Variants in USH2A observed in about 807,000 individuals in gnomAD.
USH2A encodes Usher syndrome 2A (autosomal recessive, mild).
Under a neutral mutation model 538.9 loss-of-function variants are expected in USH2A, and 443 were observed. That is an observed-to-expected ratio of 0.82 (90% CI 0.76 to 0.89). USH2A has a LOEUF of 0.89. Among genes scored for constraint, USH2A ranks in the 40% least tolerant of loss-of-function variants. USH2A has a pLI of 0.00. For synonymous variants in USH2A, 2,413 were observed against 2,273.5 expected, an observed-to-expected ratio of 1.06 and a Z score of -1.75; for missense variants, 6,633 against 6,324.8, an observed-to-expected ratio of 1.05 and a Z score of -1.65.
At chr1:216,035,048 A>G (rs1046888115) in intron 32 of USH2A, among the ~76,000 whole-genome samples, 2 of 152,182 alleles carry the variant, frequency 1.3e-5, no homozygotes, top group African/African-American at 4.8e-5. Context: ...CATTACTGTC[A>G]TGGGCCATAT....
chr1:216,299,566 T>C (rs1252948390), intron 9 of USH2A, among the ~76,000 whole-genome samples: 3 of 152,152 alleles, frequency 2.0e-5, no homozygotes, highest in African/African-American at 7.2e-5. Flanking sequence ...TTTTCCACAG[T>C]GTACATTTAT....
chr1:215,779,393 C>T (rs1018953702), intron 55 of USH2A, among the ~76,000 whole-genome samples: 1 of 152,016 alleles, frequency 6.6e-6, no homozygotes, highest in African/African-American at 2.4e-5. Flanking sequence ...CTAATAGTAA[C>T]AAACAGTCAC....
intron 62 of USH2A, among the ~76,000 whole-genome samples, chr1:215,679,206 G>A (rs1046614800): frequency 2.6e-5 from 4 of 152,228 alleles, no homozygotes; most frequent in African/African-American, 4.8e-5. Flanking sequence ...ATTGCTGCAC[G>A]TAATTTCCTG....
At chr1:215,909,499 T>A (rs1665721197) in intron 38 of USH2A, among the ~76,000 whole-genome samples, 1 of 151,862 alleles carries the variant, frequency 6.6e-6, no homozygotes, top group South Asian at 2.1e-4. Context: ...AGGATGATAA[T>A]GGGTAAGGGT....
intron 3 of USH2A, among the ~76,000 whole-genome samples, chr1:216,403,979 A>G (rs1304296064): frequency 6.6e-6 from 1 of 151,986 alleles, no homozygotes; most frequent in Non-Finnish European, 1.5e-5. Context: ...CTTTCCCTTC[A>G]CCTTCCACCA....
At chr1:215,829,215 G>A (rs1571726175) in intron 47 of USH2A, among the ~76,000 whole-genome samples, 1 of 152,162 alleles carries the variant, frequency 6.6e-6, no homozygotes, top group African/African-American at 2.4e-5. Context: ...AAAACTAGAA[G>A]GGTCCATTTG....
intron 30 of USH2A, among the ~76,000 whole-genome samples, chr1:216,049,602 A>C (rs1158643172): frequency 6.6e-6 from 1 of 152,148 alleles, no homozygotes; most frequent in East Asian, 1.9e-4. Flanking sequence ...TATTGATGAA[A>C]CCTTCAATCG....
In USH2A at chr1:216,000,512, C is replaced by T. The variant is rs528594846; in HGVS notation, c.6376G>A (p.Val2126Met). 1.2e-6 allele frequency: 2 copies of T among 1,613,664 alleles called. No homozygotes were observed. The highest frequency in any genetic ancestry group is 1.7e-6 in the Non-Finnish European group (2 of 1,179,696). Reference protein sequence around the residue: ...HQFLLSACTHVGCTNSSWVLL... With the variant: ...HQFLLSACTHMGCTNSSWVLL... ...ACCCAGGAACTGTTTGTACAGCCCA[C>T]ATGTGTGCATGCACTTAGTAGAAAC... The change falls in exon 33 of 72, where the codon GTG becomes ATG. Residue 2126 changes from valine (V) to methionine (M), a missense_variant. Coordinates refer to ENST00000307340, the MANE Select transcript of USH2A (RefSeq NM_206933.4).
At chr1:215,793,705 T>A (rs1393652386) in intron 50 of USH2A, among the ~76,000 whole-genome samples, 1 of 152,196 alleles carries the variant, frequency 6.6e-6, no homozygotes, top group East Asian at 1.9e-4. Context: ...CAAACAGCGA[T>A]AGTCATTTGT....
At chr1:216,263,361 G>A (rs900733125) in intron 11 of USH2A, among the ~76,000 whole-genome samples, 1 of 151,998 alleles carries the variant, frequency 6.6e-6, no homozygotes, top group African/African-American at 2.4e-5. Context: ...TAGTTGCAAA[G>A]ATCATCAATA....
At chr1:215,727,169 G>A (rs947079963) in intron 61 of USH2A, among the ~76,000 whole-genome samples, 4 of 151,640 alleles carry the variant, frequency 2.6e-5, no homozygotes, top group South Asian at 2.1e-4. Flanking sequence ...GTGTGTGTGT[G>A]TATATTTAAA....
At chr1:215,794,077 G>A (rs1004986811) in intron 50 of USH2A, among the ~76,000 whole-genome samples, 6 of 151,948 alleles carry the variant, frequency 3.9e-5, no homozygotes, top group African/African-American at 1.2e-4. Flanking sequence ...GAAATGACAC[G>A]CATGACTTTC....
Position 216,242,606 on chromosome 1 carries a change from C to T in USH2A, c.2809+3979G>A, listed in dbSNP as rs577268688. On this transcript the variant is annotated intron_variant, in intron 13 of 71. Coordinates refer to ENST00000307340, the MANE Select transcript of USH2A (RefSeq NM_206933.4). Reference sequence around the variant, plus strand: ...ATAAAAAGAAACAGGTTGATAATTTCTTTCACTTCACCATTCCTCCTTTTA... The same window carrying T: ...ATAAAAAGAAACAGGTTGATAATTTTTTTCACTTCACCATTCCTCCTTTTA... 1.2e-3 allele frequency among the ~76,000 whole-genome samples: 186 copies of T among 152,156 alleles called. 1 individual carries two copies. The highest frequency in any genetic ancestry group is 2.4e-3 in the Non-Finnish European group (160 of 67,990).
intron 44 of USH2A, among the ~76,000 whole-genome samples, chr1:215,860,827 T>C (rs1322666933): frequency 1.3e-5 from 2 of 152,190 alleles, no homozygotes; most frequent in Non-Finnish European, 2.9e-5. Context: ...AGCAGGCTCA[T>C]TTTGGGAGGT....
In USH2A at chr1:215,879,093, A is replaced by G. The variant is rs944889931; in HGVS notation, c.8229T>C (p.Thr2743=). The part of the protein sequence containing the change: ...TVLEPDAVQV[T]WKPPLIQNGD... ...CGTTCTGGATGAGTGGGGGTTTCCA[A>G]GTGACCTGAAATGAAAGATAAACTT... Residue 2743 remains threonine (T), a synonymous_variant, in exon 42 of 72, where the codon ACT becomes ACC. Transcript: ENST00000307340. 9 of 1,613,106 alleles carry G rather than the reference A, an allele frequency of 5.6e-6. No homozygotes were observed. Among genetic ancestry groups the G allele is most frequent in the South Asian group, 3.3e-5 (3 of 91,072 alleles).
At chr1:216,073,049 G>A in intron 28 of USH2A, 48 bp downstream of exon 28, 1 of 1,612,814 alleles carries the variant, frequency 6.2e-7, no homozygotes, top group Non-Finnish European at 8.5e-7. Context: ...GGGAAAGGGG[G>A]ATGAATAAGA....
chr1:216,039,123 T>C (rs1264786392), intron 32 of USH2A, among the ~76,000 whole-genome samples: 5 of 151,996 alleles, frequency 3.3e-5, no homozygotes, highest in Admixed American at 1.3e-4. Context: ...TATTCAAACA[T>C]TCTGTACAAG....
Position 215,714,474 on chromosome 1 carries a change from A to G in USH2A, c.12066+13556T>C, listed in dbSNP as rs74144009. 2.8e-3 allele frequency among the ~76,000 whole-genome samples: 426 copies of G among 152,322 alleles called. 2 individuals are homozygous for G. The highest frequency in any genetic ancestry group is 7.6e-3 in the African/African-American group (316 of 41,584). ...TAGCCTTGCCATTTGTGCCATGAGG[A>G]AATAATAACTTAATGGGTTCTCATT... On this transcript the variant is annotated intron_variant, in intron 61 of 71. Transcript: ENST00000307340.
chr1:215,685,084 C>T (rs907982752), intron 61 of USH2A, among the ~76,000 whole-genome samples: 1 of 152,062 alleles, frequency 6.6e-6, no homozygotes, highest in African/African-American at 2.4e-5. Context: ...GCAGTTCGAG[C>T]TCCCATTAAC....
Sources: allele counts gnomAD v4.1 joint callset (sites outside exome capture counted in the v4.1 genomes callset), GRCh38; gene constraint gnomAD v4.1.1; transcripts MANE v1.5; gene names NCBI Gene and HGNC (gene_info 2026-07-23, HGNC 2026-07-21).